The following PDE10A variants were observed in gnomAD, a reference collection of about 807,000 sequenced individuals.
PDE10A encodes cAMP and cAMP-inhibited cGMP 3',5'-cyclic phosphodiesterase 10A.
PDE10A carries 39 observed loss-of-function variants against 97.7 expected under a neutral mutation model. That is an observed-to-expected ratio of 0.40 (90% CI 0.31 to 0.52). The LOEUF is 0.52. PDE10A is among the 20% of genes least tolerant of loss of function. The pLI is 0.56. For synonymous variants in PDE10A, 371 were observed against 376.8 expected (o/e 0.98, Z 0.18); for missense variants, 731 against 1,047.8 (o/e 0.70, Z 4.17).
chr6:165,500,791 TGTCTCG>T (rs1168216497), intron 2 of PDE10A, among the ~76,000 whole-genome samples: 1 of 152,094 alleles, frequency 6.6e-6, no homozygotes, highest in African/African-American at 2.4e-5. Flanking sequence ...GGCAATAGAA[TGTCTCG>T]GTGTAAAACC....
intron 1 of PDE10A, among the ~76,000 whole-genome samples, chr6:165,616,921 A>C (rs1251838055): frequency 6.6e-6 from 1 of 152,232 alleles, no homozygotes; most frequent in African/African-American, 2.4e-5. Flanking sequence ...TATATTGTTT[A>C]ATTACACTGG....
rs980181590 is a variant in PDE10A, at chr6:165,336,228, A to C, written c.2977-17T>G. 5.0e-6 allele frequency: 8 copies of C among 1,590,512 alleles called. No individual in the cohort carries two copies. The African/African-American group carries it at 9.4e-5, about 19-fold the overall frequency. ...GAACCCAAGCTGCCTCCATGCAAAA[A>C]CCACGGACAAGAAACAAAAGTGCAC... is the stretch of plus-strand genomic sequence containing the variant. On this transcript the variant is annotated splice_polypyrimidine_tract_variant and intron_variant, in intron 20 of 21. Transcript: ENST00000539869.
At chr6:165,921,985 T>C (rs1562799207) in intron 1 of PDE10A, among the ~76,000 whole-genome samples, 1 of 152,044 alleles carries the variant, frequency 6.6e-6, no homozygotes, top group African/African-American at 2.4e-5. Context: ...GCCGGGTGCA[T>C]GAGGTCAGTG....
chr6:165,957,128 G>A (rs1254409417), intron 1 of PDE10A, among the ~76,000 whole-genome samples: 1 of 152,112 alleles, frequency 6.6e-6, no homozygotes, highest in Non-Finnish European at 1.5e-5. Flanking sequence ...CAGATATGAG[G>A]GTAGGGGTGA....
At chr6:165,894,595 A>G (rs1411751565) in intron 1 of PDE10A, 1 of 453,660 alleles carries the variant, frequency 2.2e-6, no homozygotes, top group Non-Finnish European at 4.4e-6. Context: ...ACAACCCTGT[A>G]CTACATATCC....
At chr6:165,395,952 A>T (rs1786127910) in intron 14 of PDE10A, among the ~76,000 whole-genome samples, 1 of 152,298 alleles carries the variant, frequency 6.6e-6, no homozygotes, top group East Asian at 1.9e-4. Context: ...CTTGAATTTA[A>T]TTTGGAAGTT....
intron 1 of PDE10A, among the ~76,000 whole-genome samples, chr6:165,795,863 T>C (rs755244410): frequency 6.6e-6 from 1 of 152,110 alleles, no homozygotes; most frequent in Non-Finnish European, 1.5e-5. Flanking sequence ...GGTATACAGA[T>C]GAGGTCAAAA....
At chr6:165,726,498 C>T (rs1413655625) in intron 1 of PDE10A, among the ~76,000 whole-genome samples, 4 of 152,034 alleles carry the variant, frequency 2.6e-5, no homozygotes, top group Non-Finnish European at 5.9e-5. Flanking sequence ...GTCAGCAAAA[C>T]CCAATGAGAA....
intron 11 of PDE10A, among the ~76,000 whole-genome samples, chr6:165,416,860 C>T (rs1027052137): frequency 2.0e-5 from 3 of 152,108 alleles, no homozygotes; most frequent in Admixed American, 6.5e-5. Context: ...AGTATTTTTA[C>T]CTAATTTGTT....
chr6:165,795,991 A>G (rs868343217), intron 1 of PDE10A, among the ~76,000 whole-genome samples: 1 of 152,024 alleles, frequency 6.6e-6, no homozygotes, highest in Non-Finnish European at 1.5e-5. Flanking sequence ...TCTTTTCTCA[A>G]TGCTCATCTG....
chr6:165,590,042 A>C (rs1786155301), intron 1 of PDE10A, among the ~76,000 whole-genome samples: 1 of 152,242 alleles, frequency 6.6e-6, no homozygotes, highest in African/African-American at 2.4e-5. Context: ...AAAGGACAGC[A>C]GATGCTTCTG....
chr6:165,905,496 CT>C (rs1420857736), intron 1 of PDE10A, among the ~76,000 whole-genome samples: 3 of 152,040 alleles, frequency 2.0e-5, no homozygotes, highest in African/African-American at 7.2e-5. Flanking sequence ...TTTTTATTAA[CT>C]GTCAATAGCA....
At chr6:165,431,496 C>G in intron 7 of PDE10A, 24 bp from the exon 8 acceptor site, 1 of 1,430,266 alleles carries the variant, frequency 7.0e-7, no homozygotes, top group Non-Finnish European at 9.8e-7. Context: ...GAAATACATA[C>G]CTATAAGTAA....
chr6:165,503,804 T>G (rs1017174150), intron 2 of PDE10A, among the ~76,000 whole-genome samples: 1 of 151,916 alleles, frequency 6.6e-6, no homozygotes, highest in African/African-American at 2.4e-5. Flanking sequence ...CCAAAAGAAA[T>G]GAAATTAATG....
chr6:165,466,524 G>A lies in PDE10A; in HGVS notation c.1023+15791C>T, dbSNP rs146886152. On this transcript the variant is annotated intron_variant, in intron 3 of 21. Transcript: ENST00000539869. ...TGCATGTTTTACAAATGGAAGGTGC[G>A]TGGCAACCCTGCATCAAAAAATTCC... Among the ~76,000 whole-genome samples the A allele has an allele frequency of 3.2e-3, 493 of 152,284 alleles. 3 individuals are homozygous for A. Among genetic ancestry groups the A allele is most frequent in the African/African-American group, 0.011 (445 of 41,560 alleles).
intron 1 of PDE10A, among the ~76,000 whole-genome samples, chr6:165,967,964 C>T (rs907544753): frequency 7.9e-5 from 12 of 152,198 alleles, no homozygotes; most frequent in African/African-American, 2.2e-4. Flanking sequence ...TAATATTAAA[C>T]ACACACAGAG....
At position 165,640,939 on chromosome 6, in the gene PDE10A, C is replaced by G. The variant is rs113302184; in HGVS notation, c.865+21008G>C. Among the ~76,000 whole-genome samples, 480 of 152,350 alleles carry G rather than the reference C, an allele frequency of 3.2e-3. 1 individual carries two copies. Among genetic ancestry groups the G allele is most frequent in the African/African-American group, 0.011 (451 of 41,574 alleles). ...ATAGTTGCACACAGAACAAATATCA[C>G]TTGTCTGATGTCACTATATAGTGTC... On this transcript the variant is annotated intron_variant, in intron 1 of 21. Transcript: ENST00000539869.
chr6:165,898,508 G>T (rs1314130144), intron 1 of PDE10A, among the ~76,000 whole-genome samples: 2 of 152,092 alleles, frequency 1.3e-5, no homozygotes, highest in Non-Finnish European at 2.9e-5. Flanking sequence ...CGTCACTCCC[G>T]TGCTGTGATC....
chr6:165,736,335 G>A (rs1792574102), intron 1 of PDE10A, among the ~76,000 whole-genome samples: 2 of 152,192 alleles, frequency 1.3e-5, no homozygotes, highest in African/African-American at 4.8e-5. Context: ...GAATCCAGGT[G>A]AGAAATATGT....
Sources: gnomAD v4.1 joint callset for allele counts (sites outside exome capture counted in the v4.1 genomes callset) on GRCh38, gnomAD v4.1.1 for gene constraint, MANE v1.5 for transcripts, NCBI Gene and HGNC (gene_info 2026-07-23, HGNC 2026-07-21) for gene names.